The following MKLN1 variants were observed in gnomAD, a reference collection of about 807,000 sequenced individuals.
The protein encoded by MKLN1 is muskelin.
Under a neutral mutation model 99.0 loss-of-function variants are expected in MKLN1, and 18 were observed. That is an observed-to-expected ratio of 0.18 (90% CI 0.13 to 0.27). MKLN1 has a LOEUF of 0.27. MKLN1 is among the 10% of genes least tolerant of loss of function. The pLI is 1.00. For missense variants in MKLN1, 621 were observed against 875.9 expected (o/e 0.71, Z 3.67); for synonymous variants, 288 against 293.2 (o/e 0.98, Z 0.18).
At chr7:131,473,933 G>T (rs1796896779) in intron 16 of MKLN1, among the ~76,000 whole-genome samples, 1 of 152,196 alleles carries the variant, frequency 6.6e-6, no homozygotes, top group South Asian at 2.1e-4. Context: ...TGGATCACCT[G>T]AGGTCAGGAG....
intron 3 of MKLN1, among the ~76,000 whole-genome samples, chr7:131,259,788 T>A (rs1422490322): frequency 2.0e-5 from 3 of 152,170 alleles, no homozygotes; most frequent in African/African-American, 4.8e-5. Flanking sequence ...TTTCCAGAAC[T>A]TTTTTATTAT....
chr7:131,203,056 T>C (rs1261632057), intron 3 of MKLN1: 1 of 152,252 alleles, frequency 6.6e-6, no homozygotes, highest in Non-Finnish European at 1.5e-5. Flanking sequence ...TGTGCCCACG[T>C]TGGTGCAAAA....
chr7:131,338,770 C>T (rs988234475), intron 1 of MKLN1, among the ~76,000 whole-genome samples: 2 of 152,162 alleles, frequency 1.3e-5, no homozygotes, highest in East Asian at 3.8e-4. Context: ...CTTATTCTTG[C>T]TATCTGATGG....
intron 6 of MKLN1, among the ~76,000 whole-genome samples, chr7:131,401,040 G>GT (rs1794529857): frequency 6.6e-6 from 1 of 152,078 alleles, no homozygotes; most frequent in African/African-American, 2.4e-5. Flanking sequence ...ACAGTGCAGA[G>GT]TTTTTTGGCT....
chr7:131,143,994 C>A (rs973780744), intron 2 of MKLN1, among the ~76,000 whole-genome samples: 5 of 152,170 alleles, frequency 3.3e-5, no homozygotes, highest in African/African-American at 1.2e-4. Context: ...TCCCCACTGT[C>A]AAATTTCTCT....
At chr7:131,424,773 C>T (rs1191020623) in intron 8 of MKLN1, among the ~76,000 whole-genome samples, 1 of 152,122 alleles carries the variant, frequency 6.6e-6, no homozygotes, top group Non-Finnish European at 1.5e-5. Context: ...TTTGCCGTTT[C>T]GAACATAGGC....
chr7:131,194,593 G>A (rs1266028904), intron 2 of MKLN1, among the ~76,000 whole-genome samples: 2 of 152,172 alleles, frequency 1.3e-5, no homozygotes, highest in Non-Finnish European at 2.9e-5. Context: ...CCTTTGGCCA[G>A]ACCCAGTTAC....
chr7:131,228,859 A>T (rs1010292657), intron 3 of MKLN1, among the ~76,000 whole-genome samples: 1 of 152,220 alleles, frequency 6.6e-6, no homozygotes, highest in Admixed American at 6.5e-5. Flanking sequence ...TCTTGTAAGT[A>T]GGATTGGACT....
Position 131,464,471 on chromosome 7 carries a change from A to G in MKLN1, c.1788+63A>G, listed in dbSNP as rs375661391. On this transcript the variant is annotated intron_variant, in intron 14 of 17. Transcript: ENST00000352689. ...CTACTATCTGAAACAATCCCCAAAT[A>G]TATCTTTGATTGTTTTAAATTGGAT... The G allele has an allele frequency of 2.2e-4, 194 of 898,616 alleles. 1 individual carries two copies. The South Asian group carries it at 3.0e-3, about 14-fold the overall frequency. The allele number at this position is 898,616 out of a possible 1,614,324, so 55.7% of individuals were successfully genotyped here.
At chr7:131,274,559 C>A (rs919526432) in intron 3 of MKLN1, among the ~76,000 whole-genome samples, 1 of 150,788 alleles carries the variant, frequency 6.6e-6, no homozygotes, top group African/African-American at 2.4e-5. Flanking sequence ...GGGAGGATCA[C>A]CTGAGTCCAA....
At chr7:131,264,199 C>A (rs1197411187) in intron 3 of MKLN1, among the ~76,000 whole-genome samples, 2 of 152,120 alleles carry the variant, frequency 1.3e-5, no homozygotes, top group African/African-American at 2.4e-5. Flanking sequence ...AAAGACAGAA[C>A]ACTTTGGGAA....
In MKLN1 at chr7:131,275,534, G is replaced by GAT. The variant is rs1166104066; in HGVS notation, c.-179+72593_-179+72594dup. Among the ~76,000 whole-genome samples the GAT allele has an allele frequency of 2.2e-3, 31 of 14,264 alleles. 2 individuals carry two copies. The highest frequency in any genetic ancestry group is 4.8e-3 in the East Asian group (2 of 416). 9.4% of individuals were successfully genotyped at this position (14,264 alleles called of 152,430 possible). On this transcript the variant is annotated intron_variant, in intron 3 of 7. Coordinates refer to the MKLN1 transcript ENST00000416992. ...CAGGCATGCACTACAACGCCCAGCT[G>GAT]ATATATATATATATATATATATATA...
intron 3 of MKLN1, among the ~76,000 whole-genome samples, chr7:131,250,359 C>T (rs78031886): frequency 2.5e-3 from 381 of 152,274 alleles, no homozygotes; most frequent in African/African-American, 8.6e-3. Flanking sequence ...GGGACTCCCC[C>T]GGTGTCCCCT....
chr7:131,118,778 A>G, intron 1 of MKLN1, among the ~76,000 whole-genome samples: 1 of 152,174 alleles, frequency 6.6e-6, no homozygotes, highest in East Asian at 1.9e-4. Context: ...ACACACTTTT[A>G]AACAAGCACA....
intron 6 of MKLN1, among the ~76,000 whole-genome samples, chr7:131,400,515 A>AT (rs1290158969): frequency 2.3e-3 from 293 of 127,314 alleles, no homozygotes; most frequent in African/African-American, 9.2e-3. Context: ...CCAATAAAAA[A>AT]AAAATATATA....
intron 12 of MKLN1, among the ~76,000 whole-genome samples, chr7:131,447,007 CGAAG>C (rs1054258480): frequency 2.6e-5 from 4 of 152,006 alleles, no homozygotes; most frequent in African/African-American, 9.7e-5. Flanking sequence ...ATGTAAAAAA[CGAAG>C]GATAGGGACA....
chr7:131,362,059 T>C (rs1384734181), intron 1 of MKLN1, among the ~76,000 whole-genome samples: 1 of 152,094 alleles, frequency 6.6e-6, no homozygotes, highest in East Asian at 1.9e-4. Flanking sequence ...TTTGATTATA[T>C]ATACAGTCCT....
At chr7:131,276,498 G>A (rs574400719) in intron 3 of MKLN1, among the ~76,000 whole-genome samples, 13 of 152,300 alleles carry the variant, frequency 8.5e-5, no homozygotes, top group African/African-American at 1.2e-4. Context: ...GGACAGCAGC[G>A]TTCCAATGGC....
At chr7:131,367,754 T>C (rs1800223091) in intron 1 of MKLN1, among the ~76,000 whole-genome samples, 1 of 152,222 alleles carries the variant, frequency 6.6e-6, no homozygotes, top group Admixed American at 6.5e-5. Flanking sequence ...ATTTCTATAC[T>C]GGCCCATCCC....
Sources: allele counts gnomAD v4.1 joint callset (sites outside exome capture counted in the v4.1 genomes callset), GRCh38; gene constraint gnomAD v4.1.1; transcripts MANE v1.5; gene names NCBI Gene and HGNC (gene_info 2026-07-23, HGNC 2026-07-21).